ENAH: variants seen among roughly 807,000 people sequenced by gnomAD.
ENAH encodes protein enabled homolog.
In ENAH, 23 loss-of-function variants were observed where a neutral mutation model predicts 78.7. The observed-to-expected ratio is 0.29, with a 90% confidence interval of 0.21 to 0.41. The LOEUF is 0.41. ENAH is among the 10% of genes least tolerant of loss of function. The probability of loss-of-function intolerance (pLI) is 1.00; values close to 1 mark genes in which losing one functional copy is unlikely to be tolerated. For missense variants in ENAH, 544 were observed against 691.0 expected (o/e 0.79, Z 2.39); for synonymous variants, 226 against 241.0 (o/e 0.94, Z 0.58).
At chr1:225,529,874 A>G (rs2096529369) in intron 4 of ENAH, among the ~76,000 whole-genome samples, 1 of 152,140 alleles carries the variant, frequency 6.6e-6, no homozygotes, top group Non-Finnish European at 1.5e-5. Context: ...GTCCTCCCCA[A>G]CCCCAGCTCA....
chr1:225,508,052 T>C, intron 10 of ENAH, 35 bp from the exon 11 acceptor site: 1 of 1,340,542 alleles, frequency 7.5e-7, no homozygotes, highest in Non-Finnish European at 1.0e-6. Context: ...ATTAAATAAA[T>C]AAATGCTTCC....
intron 11 of ENAH, among the ~76,000 whole-genome samples, chr1:225,507,393 G>A (rs562774197): frequency 9.3e-4 from 141 of 152,030 alleles, no homozygotes; most frequent in Non-Finnish European, 1.6e-3. Context: ...GGGGAAATGT[G>A]ACTATATACT....
intron 1 of ENAH, among the ~76,000 whole-genome samples, chr1:225,615,167 G>C (rs889587446): frequency 2.0e-5 from 3 of 152,124 alleles, no homozygotes; most frequent in Admixed American, 1.3e-4. Flanking sequence ...CTCAGCCTGC[G>C]GAGTGCCTGG....
chr1:225,520,141 A>C (rs2151177070), intron 4 of ENAH, among the ~76,000 whole-genome samples: 1 of 152,184 alleles, frequency 6.6e-6, no homozygotes, highest in South Asian at 2.1e-4. Flanking sequence ...CAAAAATATA[A>C]AAAATTAGCC....
chr1:225,608,597 C>T (rs1575703306), intron 1 of ENAH, among the ~76,000 whole-genome samples: 1 of 151,678 alleles, frequency 6.6e-6, no homozygotes, highest in East Asian at 1.9e-4. Context: ...GGGCAGATTA[C>T]CTGAGGTCAG....
intron 5 of ENAH, chr1:225,517,555 G>A (rs2096431142): frequency 6.4e-7 from 1 of 1,551,456 alleles, no homozygotes; most frequent in East Asian, 2.4e-5. Flanking sequence ...AACACAAACA[G>A]GGAGGACAGG....
In ENAH at chr1:225,652,725, G is replaced by A. The variant is rs575718619; in HGVS notation, c.-35C>T. 19 of 1,317,520 alleles carry A rather than the reference G, an allele frequency of 1.4e-5. No homozygotes were observed. Among genetic ancestry groups the A allele is most frequent in the Non-Finnish European group, 1.5e-5 (16 of 1,035,292 alleles). The allele number at this position is 1,317,520 out of a possible 1,614,324, so 81.6% of individuals were successfully genotyped here. On this transcript the variant is annotated 5_prime_UTR_variant, in exon 1 of 14. Transcript: ENST00000366843. Reference sequence around the variant, plus strand: ...GGCGCAGAGGCTTCCCCACCAGCCGGGAGACGCAGAAGGCGCCGAGCCGAG... The same window carrying A: ...GGCGCAGAGGCTTCCCCACCAGCCGAGAGACGCAGAAGGCGCCGAGCCGAG...
chr1:225,616,465 C>T (rs1422986248), intron 1 of ENAH, among the ~76,000 whole-genome samples: 1 of 151,872 alleles, frequency 6.6e-6, no homozygotes, highest in Non-Finnish European at 1.5e-5. Flanking sequence ...TTTATTCATA[C>T]AAGTAAATTT....
rs1415804458 is a variant in ENAH, at chr1:225,524,298, T to C, written c.435-4733A>G. ...CAAGTAAAATGTTAAGTAACATCAGTTCAAAATACATTTCACCCAGCTTTA... is the reference window on the plus strand; with the variant it reads ...CAAGTAAAATGTTAAGTAACATCAGCTCAAAATACATTTCACCCAGCTTTA... On this transcript the variant is annotated intron_variant, in intron 4 of 13. Transcript: ENST00000366843. 7.9e-5 allele frequency among the ~76,000 whole-genome samples: 12 copies of C among 152,298 alleles called. No individual in the cohort carries two copies. The East Asian group carries it at 2.3e-3, about 29-fold the overall frequency.
chr1:225,639,969 C>T (rs1420386519), intron 1 of ENAH, among the ~76,000 whole-genome samples: 2 of 152,156 alleles, frequency 1.3e-5, no homozygotes, highest in African/African-American at 2.4e-5. Context: ...TATTTAAGCA[C>T]TTTAAGTCTT....
rs2096251555 is a variant in ENAH, at chr1:225,496,753, GAAA to G, written c.*1019_*1021del. ...ATTATTTATTCATGCAGGTAACTGA[GAAA>G]AAGATAGTGCAGAAATCAACTTTAA... On this transcript the variant is annotated 3_prime_UTR_variant, in exon 14 of 14. Transcript: ENST00000366843. The G allele has an allele frequency of 6.6e-6, 1 of 152,588 alleles. No homozygotes were observed. Among genetic ancestry groups the G allele is most frequent in the Non-Finnish European group, 1.5e-5 (1 of 68,020 alleles). 9.5% of individuals were successfully genotyped at this position (152,588 alleles called of 1,614,324 possible). A position where few individuals can be genotyped will look rare whatever the true frequency, so the allele number is the denominator to read the frequency against.
intron 1 of ENAH, among the ~76,000 whole-genome samples, chr1:225,592,274 G>A (rs1021461112): frequency 1.3e-5 from 2 of 152,040 alleles, no homozygotes; most frequent in African/African-American, 2.4e-5. Flanking sequence ...CACATGCCTC[G>A]AGCCATCCTC....
At chr1:225,587,710 AAAG>A (rs976844522) in intron 1 of ENAH, among the ~76,000 whole-genome samples, 78 of 152,332 alleles carry the variant, frequency 5.1e-4, no homozygotes, top group African/African-American at 1.7e-3. Flanking sequence ...AACAACAAAA[AAAG>A]AATAATGATA....
At chr1:225,585,040 C>A (rs1368617040) in intron 1 of ENAH, among the ~76,000 whole-genome samples, 2 of 151,264 alleles carry the variant, frequency 1.3e-5, no homozygotes, top group African/African-American at 4.9e-5. Context: ...CATGGTGAAA[C>A]CATATCTCTA....
intron 1 of ENAH, among the ~76,000 whole-genome samples, chr1:225,617,463 C>A (rs530452917): frequency 2.0e-4 from 30 of 152,238 alleles, no homozygotes; most frequent in African/African-American, 7.0e-4. Context: ...TTATCTGATA[C>A]ATAAAGGTCA....
At chr1:225,638,306 G>A (rs1408708202) in intron 1 of ENAH, among the ~76,000 whole-genome samples, 2 of 151,986 alleles carry the variant, frequency 1.3e-5, no homozygotes, top group South Asian at 2.1e-4. Context: ...CTACAGGTGT[G>A]CACCACCACA....
chr1:225,541,664 C>T (rs1262626650), intron 3 of ENAH, among the ~76,000 whole-genome samples: 3 of 152,146 alleles, frequency 2.0e-5, no homozygotes, highest in African/African-American at 7.2e-5. Context: ...ATGCCTACTG[C>T]TTTTTCCATT....
intron 10 of ENAH, 74 bp downstream of exon 10, chr1:225,511,737 G>T: frequency 9.3e-7 from 1 of 1,079,278 alleles, no homozygotes; most frequent in Non-Finnish European, 1.4e-6. Context: ...ATGGGGAAAG[G>T]GGGAATTTTT....
At chr1:225,618,066 A>T (rs959749592) in intron 1 of ENAH, among the ~76,000 whole-genome samples, 3 of 152,316 alleles carry the variant, frequency 2.0e-5, no homozygotes, top group Non-Finnish European at 4.4e-5. Context: ...GCAGGAAAAC[A>T]TTTATCCTTG....
Sources: allele counts gnomAD v4.1 joint callset (sites outside exome capture counted in the v4.1 genomes callset), GRCh38; gene constraint gnomAD v4.1.1; transcripts MANE v1.5; gene names NCBI Gene and HGNC (gene_info 2026-07-23, HGNC 2026-07-21).